The following TMEM132D variants were observed in gnomAD, a reference collection of about 807,000 sequenced individuals.
TMEM132D encodes the protein transmembrane protein 132D.
Under a neutral mutation model 62.3 loss-of-function variants are expected in TMEM132D, and 21 were observed. That is an observed-to-expected ratio of 0.34 (90% CI 0.24 to 0.49). The LOEUF is 0.49. Ranked by LOEUF, TMEM132D falls within the 20% of genes least tolerant of loss-of-function variation. The pLI is 0.99. For missense variants in TMEM132D, 1,346 were observed against 1,402.8 expected, an observed-to-expected ratio of 0.96 and a Z score of 0.65; for synonymous variants, 621 against 575.6, an observed-to-expected ratio of 1.08 and a Z score of -1.13.
intron 3 of TMEM132D, among the ~76,000 whole-genome samples, chr12:129,346,543 A>C (rs762087962): frequency 6.6e-5 from 10 of 151,854 alleles, no homozygotes; most frequent in Non-Finnish European, 1.0e-4. Flanking sequence ...TGTCGAGTTT[A>C]GGTCTGAACA....
At chr12:129,187,930 C>A (rs887361446) in intron 5 of TMEM132D, among the ~76,000 whole-genome samples, 2 of 152,204 alleles carry the variant, frequency 1.3e-5, no homozygotes, top group Non-Finnish European at 2.9e-5. Flanking sequence ...TTCTTTACAC[C>A]AACTACTTTT....
At chr12:129,505,983 T>C (rs1430873329) in intron 3 of TMEM132D, among the ~76,000 whole-genome samples, 1 of 152,198 alleles carries the variant, frequency 6.6e-6, no homozygotes, top group East Asian at 1.9e-4. Context: ...ACTCTGTGAG[T>C]CTGTATCTTT....
intron 5 of TMEM132D, among the ~76,000 whole-genome samples, chr12:129,111,905 C>T (rs1875715701): frequency 6.6e-6 from 1 of 152,156 alleles, no homozygotes; most frequent in Non-Finnish European, 1.5e-5. Flanking sequence ...AGGGTACCAT[C>T]CCTGGTGGCA....
chr12:129,280,001 C>A (rs144466421), intron 4 of TMEM132D, among the ~76,000 whole-genome samples: 1 of 152,050 alleles, frequency 6.6e-6, no homozygotes, highest in African/African-American at 2.4e-5. Flanking sequence ...GGAATGGCAG[C>A]GTAAATGAAA....
In TMEM132D at chr12:129,601,056, C is replaced by A. The variant is rs76818410; in HGVS notation, c.969-69851G>T. Among the ~76,000 whole-genome samples the A allele has an allele frequency of 8.8e-4, 134 of 152,304 alleles. No individual in the cohort carries two copies. In the East Asian group the frequency reaches 0.024, roughly 27 times the overall value. Reference sequence around the variant, plus strand: ...CCAATAGAAGGCTGTGTCATTTACACGGAAAATCTTTTATTTAGTGTAGGC... The same window carrying A: ...CCAATAGAAGGCTGTGTCATTTACAAGGAAAATCTTTTATTTAGTGTAGGC... On this transcript the variant is annotated intron_variant, in intron 2 of 8. Transcript: ENST00000422113.
chr12:129,502,988 T>C (rs1875201460), intron 3 of TMEM132D, among the ~76,000 whole-genome samples: 1 of 152,216 alleles, frequency 6.6e-6, no homozygotes, highest in African/African-American at 2.4e-5. Flanking sequence ...GTCTATCTTA[T>C]TGCTATATCT....
At chr12:129,330,814 A>G (rs1475761200) in intron 4 of TMEM132D, among the ~76,000 whole-genome samples, 1 of 152,212 alleles carries the variant, frequency 6.6e-6, no homozygotes, top group Non-Finnish European at 1.5e-5. Context: ...GTTGTAAGCA[A>G]CAGAAAATAG....
chr12:129,678,022 T>A (rs1181995605), intron 2 of TMEM132D, among the ~76,000 whole-genome samples: 4 of 152,180 alleles, frequency 2.6e-5, no homozygotes, highest in Non-Finnish European at 5.9e-5. Context: ...TTCACAAACA[T>A]GTAAGAATTC....
chr12:129,403,599 A>AT (rs1871684020), intron 3 of TMEM132D, among the ~76,000 whole-genome samples: 1 of 152,136 alleles, frequency 6.6e-6, no homozygotes, highest in Admixed American at 6.5e-5. Flanking sequence ...TTCCTGAGCA[A>AT]TCTGCTAATA....
rs183083755 is a variant in TMEM132D at position 129,774,774 on chromosome 12, A to G, written c.80-74076T>C. On this transcript the variant is annotated intron_variant, in intron 1 of 8. Transcript: ENST00000422113. ...CAAAGGATTAGGCAAAAATGAAGACACCATATGGCACCAAAACTGTCCCTG... is the reference window on the plus strand; with the variant it reads ...CAAAGGATTAGGCAAAAATGAAGACGCCATATGGCACCAAAACTGTCCCTG... Among the ~76,000 whole-genome samples, 4 of 152,288 alleles carry G rather than the reference A, an allele frequency of 2.6e-5. No homozygotes were observed. In the East Asian group the frequency reaches 7.7e-4, roughly 29 times the overall value.
At chr12:129,504,955 G>C (rs2137069940) in intron 3 of TMEM132D, among the ~76,000 whole-genome samples, 1 of 152,224 alleles carries the variant, frequency 6.6e-6, no homozygotes, top group South Asian at 2.1e-4. Flanking sequence ...TTTCCATCTT[G>C]ATTTCATTGT....
At chr12:129,383,558 T>A (rs1016384013) in intron 3 of TMEM132D, among the ~76,000 whole-genome samples, 2 of 152,148 alleles carry the variant, frequency 1.3e-5, no homozygotes, top group African/African-American at 2.4e-5. Flanking sequence ...CTGGTGATTC[T>A]CCTGACTCAG....
At chr12:129,572,112 G>A (rs372581581) in intron 2 of TMEM132D, among the ~76,000 whole-genome samples, 12 of 152,294 alleles carry the variant, frequency 7.9e-5, no homozygotes, top group East Asian at 1.9e-4. Context: ...GGGTGACAAC[G>A]GGCCTCACTG....
At chr12:129,704,586 C>A (rs1447861675) in intron 1 of TMEM132D, among the ~76,000 whole-genome samples, 1 of 152,186 alleles carries the variant, frequency 6.6e-6, no homozygotes, top group Non-Finnish European at 1.5e-5. Context: ...CATGTGGCCC[C>A]TGCACCCAAC....
intron 4 of TMEM132D, among the ~76,000 whole-genome samples, chr12:129,309,602 G>A (rs144857216): frequency 6.6e-6 from 1 of 152,150 alleles, no homozygotes; most frequent in African/African-American, 2.4e-5. Context: ...ACTCAGAGGA[G>A]AGTTGCACTT....
At chr12:129,450,397 C>T (rs533687422) in intron 3 of TMEM132D, among the ~76,000 whole-genome samples, 1 of 152,080 alleles carries the variant, frequency 6.6e-6, no homozygotes, top group Admixed American at 6.6e-5. Flanking sequence ...GTATAACAAA[C>T]CCCCATGTCG....
chr12:129,081,023 G>C (rs144256935), intron 7 of TMEM132D, among the ~76,000 whole-genome samples: 1 of 152,248 alleles, frequency 6.6e-6, no homozygotes, highest in Non-Finnish European at 1.5e-5. Flanking sequence ...GCTGTGACTC[G>C]GTAGGGGCGG....
At chr12:129,469,242 G>A (rs984033488) in intron 3 of TMEM132D, among the ~76,000 whole-genome samples, 1 of 152,210 alleles carries the variant, frequency 6.6e-6, no homozygotes, top group Non-Finnish European at 1.5e-5. Flanking sequence ...ATCAAGAGAT[G>A]AAAAGTGTCT....
chr12:129,510,178 T>G (rs976889090), intron 3 of TMEM132D, among the ~76,000 whole-genome samples: 7 of 152,330 alleles, frequency 4.6e-5, no homozygotes, highest in African/African-American at 1.7e-4. Context: ...TGTAGTGAGA[T>G]GATATCTCAC....
Sources: gnomAD v4.1 joint callset for allele counts (sites outside exome capture counted in the v4.1 genomes callset) on GRCh38, gnomAD v4.1.1 for gene constraint, MANE v1.5 for transcripts, NCBI Gene and HGNC (gene_info 2026-07-23, HGNC 2026-07-21) for gene names.